Variants in ATF3 observed in about 807,000 individuals in gnomAD.
The protein encoded by ATF3 is cyclic AMP-dependent transcription factor ATF-3.
ATF3 carries 10 observed loss-of-function variants against 18.4 expected under a neutral mutation model. The observed-to-expected ratio is 0.54, with a 90% CI of 0.34 to 0.92. ATF3 has a LOEUF of 0.92. Among genes scored for constraint, ATF3 ranks in the 40% least tolerant of loss-of-function variants. ATF3 has a pLI of 0.02. For synonymous variants in ATF3, 78 were observed against 87.9 expected, an observed-to-expected ratio of 0.89 and a Z score of 0.63; for missense variants, 183 against 222.3, an observed-to-expected ratio of 0.82 and a Z score of 1.12.
At position 212,616,731 on chromosome 1, in the gene ATF3, G is replaced by A. The variant is rs1655145911; in HGVS notation, c.241-1396G>A. Among the ~76,000 whole-genome samples the A allele has an allele frequency of 2.6e-5, 4 of 152,222 alleles. No homozygotes were observed. In the South Asian group the frequency reaches 8.3e-4, roughly 32 times the overall value. On this transcript the variant is annotated intron_variant, in intron 2 of 3. Transcript: ENST00000341491. ...GAGTCAGGGGGCCTGCAGCAGGAGG[G>A]AGCAGTGCAGGTGCTGAGAAGTGGT...
At chr1:212,588,443 A>G (rs77571275) in intron 1 of ATF3, among the ~76,000 whole-genome samples, 3 of 152,290 alleles carry the variant, frequency 2.0e-5, no homozygotes, top group East Asian at 1.9e-4. Context: ...TTCATTTCAC[A>G]CAAAGAGCTT....
chr1:212,604,732 G>A (rs189139909), upstream of ATF3, among the ~76,000 whole-genome samples: 10 of 152,294 alleles, frequency 6.6e-5, no homozygotes, highest in South Asian at 4.1e-4. Flanking sequence ...ATTCAGGACC[G>A]TCAGAGCTCA....
intron 1 of ATF3, chr1:212,614,090 G>A (rs1056320544): frequency 6.6e-6 from 1 of 152,132 alleles, no homozygotes; most frequent in Non-Finnish European, 1.5e-5. Flanking sequence ...CCAGGCTCTG[G>A]GTAAAGCAAT....
chr1:212,586,583 A>T (rs373653004), intron 1 of ATF3, among the ~76,000 whole-genome samples: 1 of 152,300 alleles, frequency 6.6e-6, no homozygotes, highest in South Asian at 2.1e-4. Flanking sequence ...ATAACTTTGG[A>T]GAAAGTGCCA....
intron 1 of ATF3, among the ~76,000 whole-genome samples, chr1:212,609,676 A>G (rs1361270913): frequency 6.6e-6 from 1 of 152,194 alleles, no homozygotes; most frequent in Non-Finnish European, 1.5e-5. Context: ...GGACTCCCAC[A>G]CACCTGGGAC....
At chr1:212,588,646 A>ACC (rs58789529) in intron 1 of ATF3, among the ~76,000 whole-genome samples, 9 of 59,480 alleles carry the variant, frequency 1.5e-4, no homozygotes, top group African/African-American at 2.8e-4. Flanking sequence ...CACAACAACA[A>ACC]AAAAACAGTC....
intron 1 of ATF3, 28 bp from the exon 2 acceptor site, chr1:212,614,990 A>G (rs762676124): frequency 6.2e-7 from 1 of 1,614,128 alleles, no homozygotes; most frequent in Admixed American, 1.7e-5. Flanking sequence ...AGCCCCTGAA[A>G]CAGTTTGGGT....
intron 1 of ATF3, among the ~76,000 whole-genome samples, chr1:212,583,432 A>G (rs1026651613): frequency 3.9e-5 from 6 of 152,176 alleles, no homozygotes; most frequent in African/African-American, 1.2e-4. Context: ...AACTGAGGAG[A>G]GTTTAGCAAA....
rs1455056813 is a variant in ATF3 at position 212,619,308 on chromosome 1, C to T, written c.349-50C>T. 1.9e-6 allele frequency: 3 copies of T among 1,612,034 alleles called. No individual in the cohort carries two copies. The highest frequency in any genetic ancestry group is 3.3e-5 in the Admixed American group (2 of 60,008). On this transcript the variant is annotated intron_variant, in intron 3 of 3. Transcript: ENST00000341491. This position sits in a 1 kb window ranked among gnomAD's most constrained non-coding sequence, Gnocchi z 4.4. Reference sequence around the variant, plus strand: ...AGGCAGCAGCCCAGGCCACCCCCTCCTCACTGGCCCTTGGCTCCTTTCTTG... The same window carrying T: ...AGGCAGCAGCCCAGGCCACCCCCTCTTCACTGGCCCTTGGCTCCTTTCTTG...
chr1:212,609,173 T>C (rs955810882), intron 1 of ATF3, among the ~76,000 whole-genome samples: 2 of 152,208 alleles, frequency 1.3e-5, no homozygotes, highest in African/African-American at 4.8e-5. Context: ...CGCGAAAGGT[T>C]CCTGGTGACG....
intron 1 of ATF3, among the ~76,000 whole-genome samples, chr1:212,570,302 T>C (rs1262768375): frequency 2.0e-5 from 3 of 152,186 alleles, no homozygotes; most frequent in African/African-American, 7.2e-5. Context: ...TTAAAATTAT[T>C]TCATATTTTC....
intron 1 of ATF3, among the ~76,000 whole-genome samples, chr1:212,594,887 A>G (rs1664959782): frequency 6.6e-6 from 1 of 152,178 alleles, no homozygotes; most frequent in African/African-American, 2.4e-5. Context: ...CCATTGGCTG[A>G]TTGCCTGGCC....
chr1:212,568,108 G>A (rs1664415979), intron 1 of ATF3, among the ~76,000 whole-genome samples: 1 of 152,214 alleles, frequency 6.6e-6, no homozygotes, highest in Admixed American at 6.5e-5. Flanking sequence ...CAGAATTAAT[G>A]AATGAGATAA....
chr1:212,571,991 C>T lies in ATF3; in HGVS notation c.-5+6508C>T, dbSNP rs575936859. On this transcript the variant is annotated intron_variant, in intron 1 of 3. Transcript: ENST00000366981. The stretch of plus-strand genomic sequence containing the variant: ...CCTCCCAAAGTGCTGGGATTACAGG[C>T]GTGAGCCACCGCGCCCGGCCGCCAA... 1.9e-4 allele frequency among the ~76,000 whole-genome samples: 29 copies of T among 152,136 alleles called. No homozygotes were observed. In the South Asian group the frequency reaches 5.2e-3, roughly 27 times the overall value.
intron 1 of ATF3, among the ~76,000 whole-genome samples, chr1:212,578,253 C>T (rs968103188): frequency 2.0e-5 from 3 of 152,176 alleles, no homozygotes; most frequent in South Asian, 4.1e-4. Context: ...GTCATTTCCT[C>T]CTTTCTCTTC....
intron 1 of ATF3, among the ~76,000 whole-genome samples, chr1:212,602,860 T>A (rs1654519346): frequency 6.6e-6 from 1 of 152,230 alleles, no homozygotes; most frequent in African/African-American, 2.4e-5. Context: ...GTATTTGATA[T>A]CTTCTCTCTT....
At chr1:212,590,386 G>A (rs917418818) in intron 1 of ATF3, among the ~76,000 whole-genome samples, 5 of 151,082 alleles carry the variant, frequency 3.3e-5, no homozygotes, top group Non-Finnish European at 5.9e-5. Context: ...GGTATATTGC[G>A]CTAAGTGAAA....
chr1:212,615,225 C>G lies in ATF3; in HGVS notation c.204C>G (p.Ser68Arg), dbSNP rs2229346. Residue 68 changes from serine to arginine, a missense_variant, in exon 2 of 4, where the codon AGC (serine) becomes AGG (arginine). Transcript: ENST00000341491. ...MSSALESVTVSDRPLGVSITK... is the reference protein window; with the variant it reads ...MSSALESVTVRDRPLGVSITK... ...CTGCGCTGGAATCAGTCACTGTCAG[C>G]GACAGACCCCTCGGGGTGTCCATCA... 1 of 1,614,094 alleles carries G rather than the reference C, an allele frequency of 6.2e-7. No homozygotes were observed. The highest frequency in any genetic ancestry group is 8.5e-7 in the Non-Finnish European group (1 of 1,180,022).
rs1470067982 is a variant in ATF3 at position 212,615,230 on chromosome 1, G to C, written c.209G>C (p.Arg70Thr). Residue 70 changes from arginine (R) to threonine (T), a missense_variant, in exon 2 of 4, where the codon AGA becomes ACA. Coordinates refer to ENST00000341491, the MANE Select transcript of ATF3 (RefSeq NM_001674.4). ...CTGGAATCAGTCACTGTCAGCGACA[G>C]ACCCCTCGGGGTGTCCATCACAAAA... Reference protein sequence around the residue: ...SALESVTVSDRPLGVSITKAE... With the variant: ...SALESVTVSDTPLGVSITKAE... The C allele has an allele frequency of 1.2e-6, 2 of 1,614,132 alleles. No homozygotes were observed. The highest frequency in any genetic ancestry group is 1.7e-6 in the Non-Finnish European group (2 of 1,180,038).
Sources: gnomAD v4.1 joint callset for allele counts (sites outside exome capture counted in the v4.1 genomes callset) on GRCh38, gnomAD v4.1.1 for gene constraint, Gnocchi (gnomAD v3.1) non-coding constraint, MANE v1.5 for transcripts, NCBI Gene and HGNC (gene_info 2026-07-23, HGNC 2026-07-21) for gene names.